PTPRD: variants seen among roughly 807,000 people sequenced by gnomAD.
PTPRD encodes the protein receptor-type tyrosine-protein phosphatase delta.
PTPRD carries 34 observed loss-of-function variants against 214.5 expected under a neutral mutation model. The ratio of observed to expected loss-of-function variants is 0.16; its 90% CI spans 0.12 to 0.21. PTPRD has a LOEUF of 0.21. Ranked by LOEUF, PTPRD falls within the 10% of genes least tolerant of loss-of-function variation. PTPRD has a pLI of 1.00. For missense variants in PTPRD, 2,545 were observed against 2,398.7 expected (o/e 1.06, Z -1.27); for synonymous variants, 1,128 against 845.7 (o/e 1.33, Z -5.79).
intron 9 of PTPRD, among the ~76,000 whole-genome samples, chr9:9,321,725 G>C (rs937204821): frequency 3.3e-5 from 5 of 152,182 alleles, no homozygotes; most frequent in African/African-American, 1.2e-4. Context: ...CATTAGCAAA[G>C]TTATTTATTT....
At chr9:9,781,098 T>G (rs961277817) in intron 5 of PTPRD, among the ~76,000 whole-genome samples, 2 of 152,152 alleles carry the variant, frequency 1.3e-5, no homozygotes, top group African/African-American at 4.8e-5. Flanking sequence ...TTCTGCTTGA[T>G]GCTTTCATGG....
At chr9:10,343,983 T>C (rs1428919136) in intron 2 of PTPRD, among the ~76,000 whole-genome samples, 4 of 135,636 alleles carry the variant, frequency 2.9e-5, no homozygotes, top group African/African-American at 1.1e-4. Context: ...TGGTAGTTTT[T>C]TTTTTTTTTT....
intron 10 of PTPRD, among the ~76,000 whole-genome samples, chr9:9,126,536 A>C (rs998004869): frequency 6.6e-6 from 1 of 152,220 alleles, no homozygotes; most frequent in African/African-American, 2.4e-5. Flanking sequence ...AGTTAGAAAA[A>C]CTTCTAAATA....
chr9:10,454,023 A>T (rs148448818), intron 2 of PTPRD, among the ~76,000 whole-genome samples: 1 of 151,632 alleles, frequency 6.6e-6, no homozygotes, highest in African/African-American at 2.4e-5. Context: ...TATTTTCTGA[A>T]AACAAGCATA....
At chr9:10,461,623 T>A (rs1266161305) in intron 2 of PTPRD, among the ~76,000 whole-genome samples, 1 of 138,548 alleles carries the variant, frequency 7.2e-6, no homozygotes, top group Non-Finnish European at 1.5e-5. Flanking sequence ...ATGACATTCT[T>A]TTTTTTTTTT....
At chr9:10,209,427 A>T (rs1035160284) in intron 3 of PTPRD, among the ~76,000 whole-genome samples, 2 of 152,162 alleles carry the variant, frequency 1.3e-5, no homozygotes, top group Non-Finnish European at 2.9e-5. Flanking sequence ...GAATTTCTTC[A>T]TTTAGAACAT....
At chr9:9,976,482 G>A (rs928564009) in intron 4 of PTPRD, among the ~76,000 whole-genome samples, 2 of 151,492 alleles carry the variant, frequency 1.3e-5, no homozygotes, top group African/African-American at 4.9e-5. Flanking sequence ...TGCCTCCTGA[G>A]TTCAAGAGAT....
At chr9:8,476,393 T>C (rs1399159083) in intron 30 of PTPRD, among the ~76,000 whole-genome samples, 1 of 152,122 alleles carries the variant, frequency 6.6e-6, no homozygotes, top group Non-Finnish European at 1.5e-5. Flanking sequence ...TGCTGTGTGG[T>C]CGGGTTCCTA....
chr9:10,570,305 G>C (rs1262719543), intron 2 of PTPRD, among the ~76,000 whole-genome samples: 2 of 152,044 alleles, frequency 1.3e-5, no homozygotes, highest in Non-Finnish European at 2.9e-5. Context: ...GAAGTCCAAA[G>C]GATATTACCA....
intron 8 of PTPRD, among the ~76,000 whole-genome samples, chr9:9,402,940 A>T (rs1484498346): frequency 8.0e-6 from 1 of 125,370 alleles, no homozygotes; most frequent in African/African-American, 3.0e-5. Context: ...TTACGGTGAG[A>T]TGGTTCAACA....
chr9:9,123,854 A>C (rs2099819957), intron 10 of PTPRD, among the ~76,000 whole-genome samples: 1 of 152,186 alleles, frequency 6.6e-6, no homozygotes, highest in South Asian at 2.1e-4. Context: ...GCCACAATGA[A>C]TCACAGTCAA....
chr9:9,991,030 G>A (rs557109768), intron 4 of PTPRD, among the ~76,000 whole-genome samples: 3 of 151,614 alleles, frequency 2.0e-5, no homozygotes, highest in Non-Finnish European at 4.4e-5. Context: ...TGCCTCCCAG[G>A]TTCAAGCAAT....
chr9:9,532,482 T>C (rs1590916104), intron 8 of PTPRD, among the ~76,000 whole-genome samples: 1 of 152,184 alleles, frequency 6.6e-6, no homozygotes, highest in African/African-American at 2.4e-5. Flanking sequence ...AATCAAGCTT[T>C]GGTTAGGTCC....
At chr9:9,250,861 A>T (rs2099975192) in intron 9 of PTPRD, among the ~76,000 whole-genome samples, 2 of 152,138 alleles carry the variant, frequency 1.3e-5, no homozygotes, top group Admixed American at 1.3e-4. Context: ...GCTTGTGAAA[A>T]GTCTTTTTAT....
rs140443483 is a variant in PTPRD, at chr9:8,806,540, T to C, written c.-103-72594A>G. On this transcript the variant is annotated intron_variant, in intron 11 of 45. Coordinates refer to ENST00000381196, the MANE Select transcript of PTPRD (RefSeq NM_002839.4). ...CTTTTACATTGACTTCTATGAGTCA[T>C]GTAGCTTTAAAAAGTGTATGCTATT... 3.2e-4 allele frequency among the ~76,000 whole-genome samples: 48 copies of C among 152,284 alleles called. No homozygotes were observed. The Middle Eastern group carries it at 0.01, about 32-fold the overall frequency.
intron 7 of PTPRD, among the ~76,000 whole-genome samples, chr9:9,693,770 T>C (rs773314555): frequency 6.6e-6 from 1 of 152,176 alleles, no homozygotes; most frequent in Admixed American, 6.5e-5. Context: ...GTAGATGTGC[T>C]TCATTTTTTA....
At position 10,153,555 on chromosome 9, in the gene PTPRD, C is replaced by A. The variant is rs189543307; in HGVS notation, c.-544-119765G>T. Among the ~76,000 whole-genome samples, 634 of 151,460 alleles carry A rather than the reference C, an allele frequency of 4.2e-3. 6 individuals carry two copies. The highest frequency in any genetic ancestry group is 6.1e-3 in the Admixed American group (92 of 15,192). On this transcript the variant is annotated intron_variant, in intron 3 of 45. Coordinates refer to ENST00000381196, the MANE Select transcript of PTPRD (RefSeq NM_002839.4). The stretch of plus-strand genomic sequence containing the variant: ...ATATGATGAATCACAATTTTTTAAA[C>A]TTTAAGTTCAGGATACATGTGCAGG...
At chr9:10,500,304 GA>G (rs1037353420) in intron 2 of PTPRD, among the ~76,000 whole-genome samples, 1 of 151,034 alleles carries the variant, frequency 6.6e-6, no homozygotes, top group African/African-American at 2.4e-5. Context: ...TTCAGAACCT[GA>G]AAAAAAATGC....
At chr9:9,173,668 G>A (rs949065386) in intron 10 of PTPRD, among the ~76,000 whole-genome samples, 1 of 152,030 alleles carries the variant, frequency 6.6e-6, no homozygotes, top group Non-Finnish European at 1.5e-5. Context: ...TCTAAACATA[G>A]AAAAGGTAAA....
Sources: gnomAD v4.1 joint callset for allele counts (sites outside exome capture counted in the v4.1 genomes callset) on GRCh38, gnomAD v4.1.1 for gene constraint, MANE v1.5 for transcripts, NCBI Gene and HGNC (gene_info 2026-07-23, HGNC 2026-07-21) for gene names.